The following GALNT9 variants were observed in gnomAD, a reference collection of about 807,000 sequenced individuals.
GALNT9 encodes polypeptide N-acetylgalactosaminyltransferase 9.
A neutral mutation model predicts 63.1 loss-of-function variants in GALNT9; 47 were observed. The ratio of observed to expected loss-of-function variants is 0.75; its 90% CI spans 0.59 to 0.95. GALNT9 has a LOEUF of 0.95. GALNT9 is among the 40% of genes least tolerant of loss of function. The pLI, the probability that GALNT9 is intolerant of heterozygous loss-of-function variation, is 0.00. For missense variants in GALNT9, 829 were observed against 874.8 expected (o/e 0.95, Z 0.66); for synonymous variants, 396 against 365.7 (o/e 1.08, Z -0.94).
chr12:132,208,344 C>T (rs1048124445), intron 6 of GALNT9, among the ~76,000 whole-genome samples: 11 of 152,234 alleles, frequency 7.2e-5, no homozygotes, highest in Non-Finnish European at 1.5e-4. Context: ...GAGGCCGGAG[C>T]CCGGCTGGCA....
chr12:132,267,942 C>T (rs1662225727), intron 2 of GALNT9, among the ~76,000 whole-genome samples: 1 of 149,624 alleles, frequency 6.7e-6, no homozygotes, highest in Admixed American at 6.6e-5. Context: ...CACACACACG[C>T]ACTCACATAC....
intron 6 of GALNT9, among the ~76,000 whole-genome samples, chr12:132,219,414 C>T (rs963271352): frequency 1.6e-4 from 25 of 152,204 alleles, no homozygotes; most frequent in Admixed American, 3.9e-4. Context: ...GAGCAGAAGC[C>T]GGCTGCAGTG....
At chr12:132,284,635 T>G (rs1880516422) in intron 2 of GALNT9, 1 of 152,242 alleles carries the variant, frequency 6.6e-6, no homozygotes. Flanking sequence ...TGTCCAAGCC[T>G]CCATGCCCAG....
chr12:132,274,890 A>C (rs1191607282), intron 2 of GALNT9: 1 of 152,322 alleles, frequency 6.6e-6, no homozygotes, highest in Non-Finnish European at 1.5e-5. Flanking sequence ...CCACGTGCAC[A>C]CAGGATACAC....
At chr12:132,225,261 C>T (rs1162471150) in intron 6 of GALNT9, among the ~76,000 whole-genome samples, 1 of 143,868 alleles carries the variant, frequency 7.0e-6, no homozygotes, top group Non-Finnish European at 1.5e-5. Flanking sequence ...ATACACCCCC[C>T]ACACACCACA....
In GALNT9 at chr12:132,329,279, C is replaced by T; in HGVS notation, c.-76G>A. 1 of 1,485,730 alleles carries T rather than the reference C, an allele frequency of 6.7e-7. No individual in the cohort carries two copies. The highest frequency in any genetic ancestry group is 9.0e-7 in the Non-Finnish European group (1 of 1,113,744). The allele number at this position is 1,485,730 out of a possible 1,614,324, so 92.0% of individuals were successfully genotyped here. On this transcript the variant is annotated 5_prime_UTR_variant, in exon 1 of 11. Transcript: ENST00000328957. ...GCCCGGGCCTGGGCTTCAGCTTCGGCTTCGGGGACCATGAGCCGCCCGGGG... is the reference window on the plus strand; with the variant it reads ...GCCCGGGCCTGGGCTTCAGCTTCGGTTTCGGGGACCATGAGCCGCCCGGGG...
intron 6 of GALNT9, among the ~76,000 whole-genome samples, chr12:132,243,240 C>A (rs1176415064): frequency 1.4e-5 from 2 of 146,678 alleles, no homozygotes; most frequent in African/African-American, 5.2e-5. Context: ...ACGCCACACC[C>A]CCTTCCCGGG....
chr12:132,243,270 C>G (rs1186200268), intron 6 of GALNT9, among the ~76,000 whole-genome samples: 1 of 138,762 alleles, frequency 7.2e-6, no homozygotes, highest in Non-Finnish European at 1.6e-5. Context: ...ATACCCATTA[C>G]ACACACAACA....
rs367560424 is a variant in GALNT9, at chr12:132,256,472, G to A, written c.959+1217C>T. Among the ~76,000 whole-genome samples the A allele has an allele frequency of 1.1e-4, 16 of 151,208 alleles. No homozygotes were observed. In the East Asian group the frequency reaches 3.1e-3, roughly 29 times the overall value. On this transcript the variant is annotated intron_variant, in intron 5 of 10. Coordinates refer to ENST00000328957, the MANE Select transcript of GALNT9 (RefSeq NM_001122636.2). ...AGGCTACTGTGAGTAACGCCGCTGT[G>A]AACGTTTGTGTGGAAGCCTTTGCAT...
intron 3 of GALNT9, 78 bp downstream of exon 3, chr12:132,262,381 A>G: frequency 1.3e-6 from 2 of 1,482,758 alleles, no homozygotes; most frequent in Non-Finnish European, 1.8e-6. Flanking sequence ...CTGCCCCCGG[A>G]GGCTCCACCC....
chr12:132,316,361 C>G lies in GALNT9; in HGVS notation c.238+12605G>C, dbSNP rs1868510118. Among the ~76,000 whole-genome samples, 1 of 152,162 alleles carries G rather than the reference C, an allele frequency of 6.6e-6. No individual in the cohort carries two copies. Among genetic ancestry groups the G allele is most frequent in the Non-Finnish European group, 1.5e-5 (1 of 68,020 alleles). Reference sequence around the variant, plus strand: ...TTTATGCCCCTATTCTGGGAGGAAACAGAGATCCCCTATAACCGAGCATAT... The same window carrying G: ...TTTATGCCCCTATTCTGGGAGGAAAGAGAGATCCCCTATAACCGAGCATAT... On this transcript the variant is annotated intron_variant, in intron 1 of 10. Coordinates refer to ENST00000328957, the MANE Select transcript of GALNT9 (RefSeq NM_001122636.2). The surrounding 1 kb of genome is among the most constrained non-coding windows in gnomAD (Gnocchi z 4.3).
chr12:132,275,704 A>C (rs1474947243), intron 2 of GALNT9: 1 of 152,298 alleles, frequency 6.6e-6, no homozygotes, highest in African/African-American at 2.4e-5. Context: ...AATGAAACCC[A>C]CATAATGCAA....
At position 132,246,029 on chromosome 12, in the gene GALNT9, G is replaced by C. The variant is rs1445944676; in HGVS notation, c.1077+1881C>G. On this transcript the variant is annotated intron_variant, in intron 6 of 10. Transcript: ENST00000328957. This position sits in a 1 kb window ranked among gnomAD's most constrained non-coding sequence, Gnocchi z 4.7. ...CTGCGGTGCGTTCCATCCCTCTGAG[G>C]GCCTCGGCTTTCTTAGGCCCCTGAC... Among the ~76,000 whole-genome samples, 2 of 152,176 alleles carry C rather than the reference G, an allele frequency of 1.3e-5. No homozygotes were observed. The highest frequency in any genetic ancestry group is 2.4e-5 in the African/African-American group (1 of 41,438).
At chr12:132,306,816 G>C (rs1021579281) in intron 1 of GALNT9, among the ~76,000 whole-genome samples, 1 of 152,178 alleles carries the variant, frequency 6.6e-6, no homozygotes. Flanking sequence ...TCACTTCCGC[G>C]CACACCCGCC....
chr12:132,261,777 C>T (rs1350700507), intron 3 of GALNT9, among the ~76,000 whole-genome samples: 7 of 152,256 alleles, frequency 4.6e-5, no homozygotes, highest in African/African-American at 1.7e-4. Flanking sequence ...CGGCTGCAGG[C>T]TCTCTGCTCT....
chr12:132,258,525 AG>A (rs781823070), intron 4 of GALNT9, among the ~76,000 whole-genome samples: 2 of 152,086 alleles, frequency 1.3e-5, no homozygotes, highest in South Asian at 2.1e-4. Flanking sequence ...GATGTTGTAG[AG>A]GGGGCTCACA....
chr12:132,197,755 G>GCCCCAA, intron 10 of GALNT9, 37 bp downstream of exon 10: 2 of 613,272 alleles, frequency 3.3e-6, no homozygotes, highest in Admixed American at 5.0e-5. Flanking sequence ...GCCCTGCCCC[G>GCCCCAA]CCCCAACCCC....
rs1365148905 is a variant in GALNT9, at chr12:132,231,126, C to G, written c.1077+16784G>C. On this transcript the variant is annotated intron_variant, in intron 6 of 10. Coordinates refer to ENST00000328957, the MANE Select transcript of GALNT9 (RefSeq NM_001122636.2). ...GTGGAGCCCCTACTGCCACACACTC[C>G]ATGGGGCGACAGAGGAGACAGCGTG... Among the ~76,000 whole-genome samples the G allele has an allele frequency of 8.2e-3, 510 of 62,476 alleles. 2 individuals carry two copies. The highest frequency in any genetic ancestry group is 0.051 in the Middle Eastern group (4 of 78). 41.0% of individuals were successfully genotyped at this position (62,476 alleles called of 152,430 possible).
intron 6 of GALNT9, among the ~76,000 whole-genome samples, chr12:132,244,821 G>A (rs1325144157): frequency 1.4e-5 from 2 of 146,386 alleles, no homozygotes; most frequent in South Asian, 4.5e-4. Flanking sequence ...TGGTGATGGA[G>A]TTGGACGGGG....
Sources: gnomAD v4.1 joint callset for allele counts (sites outside exome capture counted in the v4.1 genomes callset) on GRCh38, gnomAD v4.1.1 for gene constraint, Gnocchi (gnomAD v3.1) non-coding constraint, MANE v1.5 for transcripts, NCBI Gene and HGNC (gene_info 2026-07-23, HGNC 2026-07-21) for gene names.